GSK3B: variants seen among roughly 807,000 people sequenced by gnomAD.
GSK3B encodes glycogen synthase kinase 3 beta.
In GSK3B, 15 loss-of-function variants were observed where a neutral mutation model predicts 56.4. The ratio of observed to expected loss-of-function variants is 0.27; its 90% CI spans 0.18 to 0.41. The LOEUF (loss-of-function observed/expected upper bound fraction) is 0.41. Among genes scored for constraint, GSK3B ranks in the 10% least tolerant of loss-of-function variants. The pLI, the probability that GSK3B is intolerant of heterozygous loss-of-function variation, is 1.00. For synonymous variants in GSK3B, 181 were observed against 188.9 expected, an observed-to-expected ratio of 0.96 and a Z score of 0.34; for missense variants, 300 against 513.4, an observed-to-expected ratio of 0.58 and a Z score of 4.02.
intron 2 of GSK3B, among the ~76,000 whole-genome samples, chr3:119,964,397 A>G (rs937844447): frequency 6.6e-6 from 1 of 152,264 alleles, no homozygotes; most frequent in Non-Finnish European, 1.5e-5. Flanking sequence ...AAAATGTGGT[A>G]TATACATACA....
chr3:119,931,615 A>AAACAC (rs1553735663), intron 3 of GSK3B, among the ~76,000 whole-genome samples: 2 of 152,196 alleles, frequency 1.3e-5, no homozygotes, highest in Non-Finnish European at 2.9e-5. Flanking sequence ...ACTGTCTCAA[A>AAACAC]AAAACAAAAC....
intron 1 of GSK3B, among the ~76,000 whole-genome samples, chr3:120,067,332 G>A (rs1219973032): frequency 1.3e-5 from 2 of 151,288 alleles, no homozygotes; most frequent in African/African-American, 2.4e-5. Flanking sequence ...AATGGAGTAC[G>A]CCCACTAAAT....
intron 1 of GSK3B, among the ~76,000 whole-genome samples, chr3:120,064,868 G>A (rs2058266592): frequency 6.6e-6 from 1 of 152,132 alleles, no homozygotes; most frequent in Non-Finnish European, 1.5e-5. Context: ...GTCAACTGAT[G>A]AGTAATAAGA....
At chr3:119,832,340 G>A (rs2055615159) in intron 10 of GSK3B, among the ~76,000 whole-genome samples, 2 of 152,220 alleles carry the variant, frequency 1.3e-5, no homozygotes, top group Non-Finnish European at 2.9e-5. Flanking sequence ...TGCATCCCTG[G>A]CTAATGTTTT....
chr3:119,872,469 G>A (rs2056261022), intron 8 of GSK3B, among the ~76,000 whole-genome samples: 1 of 152,072 alleles, frequency 6.6e-6, no homozygotes, highest in African/African-American at 2.4e-5. Context: ...AAGGCTATGA[G>A]GAATCAGAGA....
intron 2 of GSK3B, among the ~76,000 whole-genome samples, chr3:119,981,312 A>G (rs1487608386): frequency 1.3e-5 from 2 of 152,202 alleles, no homozygotes; most frequent in East Asian, 1.9e-4. Context: ...TGTATTTCCA[A>G]CTGAGGTACC....
intron 2 of GSK3B, among the ~76,000 whole-genome samples, chr3:120,000,521 A>ACTT (rs1310713486): frequency 6.6e-6 from 1 of 152,162 alleles, no homozygotes; most frequent in Non-Finnish European, 1.5e-5. Context: ...AACAGTGATC[A>ACTT]CTTCTTCTTG....
intron 2 of GSK3B, among the ~76,000 whole-genome samples, chr3:119,986,391 A>G (rs2057515789): frequency 6.6e-6 from 1 of 152,174 alleles, no homozygotes; most frequent in Admixed American, 6.5e-5. Flanking sequence ...ATCAGAATGA[A>G]CAGGCAACCT....
intron 6 of GSK3B, among the ~76,000 whole-genome samples, chr3:119,910,389 G>A (rs1428115706): frequency 6.6e-6 from 1 of 152,058 alleles, no homozygotes; most frequent in Non-Finnish European, 1.5e-5. Context: ...TAAAAGGTAT[G>A]TTCACTCTAT....
chr3:119,889,599 T>C (rs544341972), intron 7 of GSK3B, among the ~76,000 whole-genome samples: 56 of 152,118 alleles, frequency 3.7e-4, no homozygotes, highest in African/African-American at 1.3e-3. Flanking sequence ...ACCACTGATT[T>C]AATCCATAGG....
chr3:119,881,159 A>G (rs1026324876), intron 7 of GSK3B, among the ~76,000 whole-genome samples: 6 of 152,214 alleles, frequency 3.9e-5, no homozygotes, highest in Non-Finnish European at 7.3e-5. Flanking sequence ...AGCTACACAT[A>G]CCTTTATGGA....
At chr3:119,859,233 A>G (rs1282450193) in intron 9 of GSK3B, among the ~76,000 whole-genome samples, 1 of 151,994 alleles carries the variant, frequency 6.6e-6, no homozygotes, top group Non-Finnish European at 1.5e-5. Context: ...GTGAAGCTCA[A>G]TAAAACAATG....
At chr3:120,071,772 T>C (rs1321473223) in intron 1 of GSK3B, among the ~76,000 whole-genome samples, 1 of 152,190 alleles carries the variant, frequency 6.6e-6, no homozygotes, top group Admixed American at 6.5e-5. Flanking sequence ...ACTTGAATCA[T>C]GCTAAAACCA....
chr3:120,077,079 C>T (rs75192446), intron 1 of GSK3B, among the ~76,000 whole-genome samples: 7,024 of 152,140 alleles, frequency 0.046, 208 homozygotes, highest in Non-Finnish European at 0.069. Context: ...GGTGAGAATG[C>T]AGATTAGTGC....
intron 3 of GSK3B, among the ~76,000 whole-genome samples, chr3:119,931,433 T>C (rs1470967255): frequency 1.3e-5 from 2 of 152,086 alleles, no homozygotes; most frequent in East Asian, 1.9e-4. Flanking sequence ...CTGGGCAACA[T>C]GGCGAAACCC....
intron 3 of GSK3B, among the ~76,000 whole-genome samples, chr3:119,935,476 T>A (rs2056984787): frequency 6.6e-6 from 1 of 152,136 alleles, no homozygotes; most frequent in African/African-American, 2.4e-5. Context: ...CCTAATCATA[T>A]ATGAACCCAC....
At chr3:119,923,321 T>C in intron 4 of GSK3B, 52 bp downstream of exon 4, 1 of 887,594 alleles carries the variant, frequency 1.1e-6, no homozygotes, top group Non-Finnish European at 1.8e-6. Context: ...AGGCTCTCCT[T>C]GGTTCATAAA....
rs533612718 is a variant in GSK3B, at chr3:119,908,189, A to T, written c.716-2337T>A. On this transcript the variant is annotated intron_variant, in intron 6 of 10. Transcript: ENST00000264235. ...GCCAAACCTAGGCTTGCTAGGGTTC[A>T]AAAGACTCCTGTTTATATAACTGTT... is the stretch of plus-strand genomic sequence containing the variant. Among the ~76,000 whole-genome samples, 182 of 152,290 alleles carry T rather than the reference A, an allele frequency of 1.2e-3. 1 individual carries two copies. The highest frequency in any genetic ancestry group is 3.4e-3 in the Middle Eastern group (1 of 294).
At chr3:119,854,305 A>C (rs1042771313) in intron 9 of GSK3B, among the ~76,000 whole-genome samples, 2 of 152,134 alleles carry the variant, frequency 1.3e-5, no homozygotes, top group African/African-American at 4.8e-5. Flanking sequence ...TTGATGTGCT[A>C]CTGGATTCAG....
Sources: allele counts gnomAD v4.1 joint callset (sites outside exome capture counted in the v4.1 genomes callset), GRCh38; gene constraint gnomAD v4.1.1; transcripts MANE v1.5; gene names NCBI Gene and HGNC (gene_info 2026-07-23, HGNC 2026-07-21).